Variants in GAS2 observed in about 807,000 individuals in gnomAD.
GAS2 encodes growth arrest specific 2, also known as growth arrest-specific protein 2.
In GAS2, 20 loss-of-function variants were observed where a neutral mutation model predicts 37.5. The ratio of observed to expected loss-of-function variants is 0.53; its 90% CI spans 0.37 to 0.77. GAS2 has a LOEUF of 0.77. GAS2 is among the 30% of genes least tolerant of loss of function. The pLI is 0.00. For synonymous variants in GAS2, 144 were observed against 132.2 expected (o/e 1.09, Z -0.61); for missense variants, 336 against 373.4 (o/e 0.90, Z 0.82).
chr11:22,636,893 T>G (rs2133811356), intron 1 of GAS2, among the ~76,000 whole-genome samples: 1 of 143,432 alleles, frequency 7.0e-6, no homozygotes, highest in Non-Finnish European at 1.5e-5. Flanking sequence ...ATATTACCTA[T>G]TTATATTATT....
At chr11:22,793,306 A>T (rs1856264270) in intron 7 of GAS2, among the ~76,000 whole-genome samples, 1 of 152,146 alleles carries the variant, frequency 6.6e-6, no homozygotes, top group Non-Finnish European at 1.5e-5. Context: ...AATTAAAAAA[A>T]TTTTAAAAAG....
In GAS2 at chr11:22,726,470, C is replaced by A. The variant is rs375632335; in HGVS notation, c.409+37C>A. 5 of 1,568,232 alleles carry A rather than the reference C, an allele frequency of 3.2e-6. No homozygotes were observed. The East Asian group carries it at 9.0e-5, about 28-fold the overall frequency. ...CTTCAGAATTTTAGTTGATAAGATA[C>A]GCAAATTATCTTTTGTCTTTGTCAG... is the stretch of plus-strand genomic sequence containing the variant. On this transcript the variant is annotated intron_variant, in intron 4 of 7. Transcript: ENST00000454584.
At chr11:22,767,206 G>A (rs1854740538) in intron 7 of GAS2, among the ~76,000 whole-genome samples, 1 of 151,880 alleles carries the variant, frequency 6.6e-6, no homozygotes, top group African/African-American at 2.4e-5. Context: ...AAAACTTATC[G>A]ATGAAGAAAC....
At chr11:22,724,410 A>G (rs1565110747) in intron 3 of GAS2, among the ~76,000 whole-genome samples, 1 of 152,140 alleles carries the variant, frequency 6.6e-6, no homozygotes, top group East Asian at 1.9e-4. Flanking sequence ...ACTTGTACAT[A>G]TATTTTAATC....
chr11:22,722,348 A>G (rs547882420), intron 3 of GAS2, among the ~76,000 whole-genome samples: 1 of 152,016 alleles, frequency 6.6e-6, no homozygotes, highest in East Asian at 1.9e-4. Context: ...GAGAGATAAA[A>G]TCAGTAGTCT....
chr11:22,669,987 A>C (rs1483362625), intron 1 of GAS2, among the ~76,000 whole-genome samples: 1 of 152,214 alleles, frequency 6.6e-6, no homozygotes, highest in Non-Finnish European at 1.5e-5. Context: ...AAAAGAGTGA[A>C]GAACTCACAA....
At position 22,634,698 on chromosome 11, in the gene GAS2, G is replaced by T. The variant is rs189870449; in HGVS notation, c.-21+8885G>T. On this transcript the variant is annotated intron_variant, in intron 1 of 5. Coordinates refer to the GAS2 transcript ENST00000528582. ...TGGGGCTGCCATTCTCCAGGATGGT[G>T]CTGGGGAATGTCTGGAAGGGATCCA... Among the ~76,000 whole-genome samples the T allele has an allele frequency of 1.9e-3, 294 of 152,272 alleles. 2 individuals are homozygous for T. The highest frequency in any genetic ancestry group is 5.0e-3 in the Admixed American group (77 of 15,290).
intron 1 of GAS2, among the ~76,000 whole-genome samples, chr11:22,648,905 T>C (rs1383267476): frequency 6.6e-6 from 1 of 151,888 alleles, no homozygotes; most frequent in Non-Finnish European, 1.5e-5. Context: ...GAATACCCTT[T>C]ATTTCCTTCT....
chr11:22,643,283 A>G (rs1467303868), intron 1 of GAS2, among the ~76,000 whole-genome samples: 1 of 152,118 alleles, frequency 6.6e-6, no homozygotes, highest in Non-Finnish European at 1.5e-5. Flanking sequence ...GCAAGAAATT[A>G]TCCTCTTCCT....
intron 1 of GAS2, among the ~76,000 whole-genome samples, chr11:22,655,908 G>C (rs921924057): frequency 1.3e-5 from 2 of 152,180 alleles, no homozygotes; most frequent in East Asian, 3.8e-4. Flanking sequence ...TTCTGAGGAA[G>C]AATGTTAAGC....
chr11:22,755,747 A>G (rs1357123085), intron 6 of GAS2, 99 bp from the exon 7 acceptor site: 7 of 716,914 alleles, frequency 9.8e-6, no homozygotes, highest in Non-Finnish European at 1.7e-5. Context: ...TAACAAGTTT[A>G]AAGTCATTAA....
At chr11:22,650,664 A>C (rs1263944803) in intron 1 of GAS2, among the ~76,000 whole-genome samples, 1 of 151,356 alleles carries the variant, frequency 6.6e-6, no homozygotes, top group African/African-American at 2.4e-5. Flanking sequence ...TCCCTTTACC[A>C]TTATGTAATG....
chr11:22,640,106 A>G (rs929485206), intron 1 of GAS2, among the ~76,000 whole-genome samples: 1 of 152,220 alleles, frequency 6.6e-6, no homozygotes, highest in African/African-American at 2.4e-5. Context: ...TAATGAATTC[A>G]GAGGAAGGTA....
At chr11:22,791,731 A>G (rs998370109) in intron 7 of GAS2, among the ~76,000 whole-genome samples, 3 of 152,214 alleles carry the variant, frequency 2.0e-5, no homozygotes, top group African/African-American at 7.2e-5. Context: ...AATGAGTTAC[A>G]CTATTGCCAG....
intron 4 of GAS2, among the ~76,000 whole-genome samples, chr11:22,729,623 G>A (rs974484955): frequency 2.0e-5 from 3 of 151,556 alleles, no homozygotes; most frequent in African/African-American, 4.8e-5. Flanking sequence ...TAGAAAAGTG[G>A]AGATGAAGAA....
chr11:22,803,771 T>A (rs572876525), intron 7 of GAS2, among the ~76,000 whole-genome samples: 1 of 152,244 alleles, frequency 6.6e-6, no homozygotes, highest in South Asian at 2.1e-4. Context: ...AAATGAAGAC[T>A]ACATCATCCC....
chr11:22,747,744 C>T (rs1853490355), intron 5 of GAS2, among the ~76,000 whole-genome samples: 1 of 152,012 alleles, frequency 6.6e-6, no homozygotes. Context: ...GCTTCTTCCC[C>T]AGAAGTAGGG....
chr11:22,753,466 G>C (rs946009506), intron 6 of GAS2, among the ~76,000 whole-genome samples: 5 of 152,096 alleles, frequency 3.3e-5, no homozygotes, highest in Non-Finnish European at 5.9e-5. Context: ...TGTCTAAGAA[G>C]ACTGCAAAAT....
intron 3 of GAS2, among the ~76,000 whole-genome samples, chr11:22,701,546 G>A (rs895306724): frequency 6.6e-6 from 1 of 152,052 alleles, no homozygotes; most frequent in African/African-American, 2.4e-5. Context: ...AGTTCGGAAA[G>A]GGCTGGGCGC....
Sources: allele counts gnomAD v4.1 joint callset (sites outside exome capture counted in the v4.1 genomes callset), GRCh38; gene constraint gnomAD v4.1.1; transcripts MANE v1.5; gene names NCBI Gene and HGNC (gene_info 2026-07-23, HGNC 2026-07-21).